Variants in RPRD2 observed in about 807,000 individuals in gnomAD.
The protein encoded by RPRD2 is regulation of nuclear pre-mRNA domain containing 2, also known as regulation of nuclear pre-mRNA domain-containing protein 2.
A neutral mutation model predicts 104.4 loss-of-function variants in RPRD2; 12 were observed. The ratio of observed to expected loss-of-function variants is 0.11; its 90% CI spans 0.07 to 0.19. The LOEUF (loss-of-function observed/expected upper bound fraction) is 0.19. RPRD2 is among the 10% of genes least tolerant of loss of function. RPRD2 has a pLI of 1.00. For missense variants in RPRD2, 1,543 were observed against 1,790.1 expected (o/e 0.86, Z 2.49); for synonymous variants, 714 against 684.9 (o/e 1.04, Z -0.66).
intron 2 of RPRD2, among the ~76,000 whole-genome samples, chr1:150,433,730 T>C (rs1553892481): frequency 9.9e-6 from 1 of 101,324 alleles, no homozygotes; most frequent in African/African-American, 4.4e-5. Context: ...CATAGTTTTT[T>C]TTTTAACCAA....
intron 1 of RPRD2, among the ~76,000 whole-genome samples, chr1:150,413,576 C>G (rs587645467): frequency 2.0e-5 from 3 of 150,684 alleles, no homozygotes; most frequent in Admixed American, 2.0e-4. Flanking sequence ...GCACTCCAGC[C>G]TGGGCAACAA....
In RPRD2 at chr1:150,441,351, G is replaced by A. The variant is rs587602392; in HGVS notation, c.436+328G>A. On this transcript the variant is annotated intron_variant, in intron 3 of 10. Coordinates refer to ENST00000369068, the MANE Select transcript of RPRD2 (RefSeq NM_015203.5). ...TTTGTGTTAATAAATACTGCCCTGT[G>A]CCCTTACTGTTGGAGAATTTTTGCA... The A allele has an allele frequency of 8.9e-5, 21 of 236,046 alleles. No individual in the cohort carries two copies. The Admixed American group carries it at 1.1e-3, about 12-fold the overall frequency. The allele number at this position is 236,046 out of a possible 1,614,324, so 14.6% of individuals were successfully genotyped here. A position where few individuals can be genotyped will look rare whatever the true frequency, so the allele number is the denominator to read the frequency against.
In RPRD2 at chr1:150,471,213, G is replaced by A. The variant is rs1294252690; in HGVS notation, c.2265G>A (p.Lys755=). Residue 755 remains lysine (K), a synonymous_variant, in exon 11 of 11, where the codon AAG becomes AAA. Coordinates refer to ENST00000369068, the MANE Select transcript of RPRD2 (RefSeq NM_015203.5). The surrounding 1 kb of genome is among the most constrained non-coding windows in gnomAD (Gnocchi z 5.3). ...TAGATACTATGTCCCTGCTTTCTAAGATCATTAGCCCTGGTTCCTCAACAC... is the reference window on the plus strand; with the variant it reads ...TAGATACTATGTCCCTGCTTTCTAAAATCATTAGCCCTGGTTCCTCAACAC... ...SSVDTMSLLS[K]IISPGSSTPS... is the part of the protein sequence containing the mutation. The A allele has an allele frequency of 1.9e-6, 3 of 1,613,380 alleles. No homozygotes were observed. The highest frequency in any genetic ancestry group is 2.5e-6 in the Non-Finnish European group (3 of 1,179,802).
intron 1 of RPRD2, among the ~76,000 whole-genome samples, chr1:150,369,823 T>G (rs1188933598): frequency 1.4e-5 from 2 of 142,964 alleles, no homozygotes; most frequent in Non-Finnish European, 3.1e-5. Flanking sequence ...CTCTGTCGCC[T>G]AGGCTGGAGT....
At chr1:150,406,715 ATTCTTTT>A (rs1208134744) in intron 1 of RPRD2, among the ~76,000 whole-genome samples, 4 of 151,848 alleles carry the variant, frequency 2.6e-5, no homozygotes, top group Non-Finnish European at 5.9e-5. Context: ...TTACAAGTAA[ATTCTTTT>A]TTTCTTTTTG....
In RPRD2 at chr1:150,470,709, C is replaced by T. The variant is rs1003305914; in HGVS notation, c.1761C>T (p.Pro587=). The T allele has an allele frequency of 3.1e-6, 5 of 1,614,024 alleles. No individual in the cohort carries two copies. The highest frequency in any genetic ancestry group is 4.2e-6 in the Non-Finnish European group (5 of 1,179,888). ...NLPSSAQPFI[P]KSFNYSPNSS... is the part of the protein sequence containing the mutation. ...CCTCCAGTGCCCAACCTTTTATTCC[C>T]AAAAGCTTCAACTATTCTCCTAACT... The change falls in exon 11 of 11, where the codon CCC becomes CCT. Residue 587 remains proline, a synonymous_variant. Coordinates refer to ENST00000369068, the MANE Select transcript of RPRD2 (RefSeq NM_015203.5).
intron 2 of RPRD2, among the ~76,000 whole-genome samples, chr1:150,418,037 G>A (rs587624726): frequency 2.0e-5 from 3 of 151,424 alleles, no homozygotes; most frequent in South Asian, 4.2e-4. Context: ...GCGCGATCTC[G>A]GCTCGCTGCA....
At chr1:150,365,859 G>A (rs1659805116) in intron 1 of RPRD2, among the ~76,000 whole-genome samples, 1 of 152,172 alleles carries the variant, frequency 6.6e-6, no homozygotes, top group African/African-American at 2.4e-5. Context: ...CCAAAGTGCA[G>A]GGATTACAGA....
chr1:150,383,085 C>T (rs1375957115), intron 1 of RPRD2, among the ~76,000 whole-genome samples: 1 of 152,054 alleles, frequency 6.6e-6, no homozygotes. Context: ...CTTGACATCC[C>T]GGACTCAGTT....
At chr1:150,412,936 G>A in intron 1 of RPRD2, among the ~76,000 whole-genome samples, 1 of 151,906 alleles carries the variant, frequency 6.6e-6, no homozygotes, top group Non-Finnish European at 1.5e-5. Flanking sequence ...TGGGCTGTGG[G>A]TTTTTTGTTT....
At position 150,472,102 on chromosome 1, in the gene RPRD2, A is replaced by G. The variant is rs371280779; in HGVS notation, c.3154A>G (p.Thr1052Ala). 9 of 1,613,722 alleles carry G rather than the reference A, an allele frequency of 5.6e-6. No individual in the cohort carries two copies. The highest frequency in any genetic ancestry group is 1.6e-4 in the Middle Eastern group (1 of 6,084). Residue 1052 changes from threonine (T) to alanine (A), a missense_variant, in exon 11 of 11, where the codon ACT becomes GCT. Around this residue, in one of 4 missense-constraint regions of RPRD2, gnomAD observed 880 missense variants for 885.6 expected, o/e 0.99. Coordinates refer to ENST00000369068, the MANE Select transcript of RPRD2 (RefSeq NM_015203.5). The part of the protein sequence containing the change: ...SNLTQPSLTA[T>A]DQQQQEEHYR... ...CCTCACCCAACCCAGCTTGACCGCC[A>G]CTGATCAGCAGCAACAAGAAGAGCA...
At chr1:150,448,454 C>CCA (rs782676509) in intron 7 of RPRD2, among the ~76,000 whole-genome samples, 3 of 152,106 alleles carry the variant, frequency 2.0e-5, no homozygotes, top group Non-Finnish European at 2.9e-5. Flanking sequence ...TAGGCATCAG[C>CCA]CACCACACCC....
Position 150,472,731 on chromosome 1 carries a change from G to A in RPRD2, c.3783G>A (p.Glu1261=). 1.2e-6 allele frequency: 2 copies of A among 1,613,304 alleles called. No homozygotes were observed. Among genetic ancestry groups the A allele is most frequent in the South Asian group, 1.1e-5 (1 of 91,054 alleles). Residue 1261 remains glutamate (E), a synonymous_variant, in exon 11 of 11, where the codon GAG becomes GAA. Coordinates refer to ENST00000369068, the MANE Select transcript of RPRD2 (RefSeq NM_015203.5). ...AHAAPPPPPG[E]HSGIPFPTPP... is the part of the protein sequence containing the mutation. ...CTGCCCCACCCCCTCCTCCTGGAGA[G>A]CACAGTGGAATTCCTTTCCCTACCC...
intron 1 of RPRD2, among the ~76,000 whole-genome samples, chr1:150,380,124 A>G (rs1661016992): frequency 6.6e-6 from 1 of 152,248 alleles, no homozygotes; most frequent in Admixed American, 6.5e-5. Flanking sequence ...AAAATATACT[A>G]CATTTATAGC....
intron 1 of RPRD2, among the ~76,000 whole-genome samples, chr1:150,395,095 A>C (rs1243868082): frequency 6.6e-6 from 1 of 151,962 alleles, no homozygotes; most frequent in Non-Finnish European, 1.5e-5. Flanking sequence ...ATTTTGGTGC[A>C]CTCATCCCCT....
At chr1:150,470,526 GTTC>G in intron 10 of RPRD2, 32 bp from the exon 11 acceptor site, 1 of 1,589,508 alleles carries the variant, frequency 6.3e-7, no homozygotes, top group Non-Finnish European at 8.6e-7. Context: ...ATAGGGAGTT[GTTC>G]TTTTTAACCC....
intron 9 of RPRD2, among the ~76,000 whole-genome samples, chr1:150,460,728 AT>A (rs781841942): frequency 0.022 from 2,723 of 125,360 alleles, 72 homozygotes; most frequent in African/African-American, 0.066. Flanking sequence ...TTAATTAATG[AT>A]TTTTTTTTTT....
chr1:150,395,244 A>G (rs1553883940), intron 1 of RPRD2, among the ~76,000 whole-genome samples: 1 of 152,158 alleles, frequency 6.6e-6, no homozygotes, highest in Non-Finnish European at 1.5e-5. Context: ...TATGAGTGAG[A>G]ACATATGATG....
Position 150,472,600 on chromosome 1 carries a change from G to C in RPRD2, c.3652G>C (p.Val1218Leu). 1 of 1,613,876 alleles carries C rather than the reference G, an allele frequency of 6.2e-7. No homozygotes were observed. Among genetic ancestry groups the C allele is most frequent in the Non-Finnish European group, 8.5e-7 (1 of 1,179,844 alleles). Reference sequence around the variant, plus strand: ...AGTGGGGCCATCATCTGCCCCACCTGTCCCTCCTAAGGATCATGGTGGTAT... The same window carrying C: ...AGTGGGGCCATCATCTGCCCCACCTCTCCCTCCTAAGGATCATGGTGGTAT... ...EPVGPSSAPP[V>L]PPKDHGGIFS... Residue 1218 changes from valine to leucine, a missense_variant, in exon 11 of 11, where the codon GTC (valine) becomes CTC (leucine). Val to Leu is a conservative substitution (Grantham distance 32). Transcript: ENST00000369068.
Sources: gnomAD v4.1 joint callset for allele counts (sites outside exome capture counted in the v4.1 genomes callset) on GRCh38, gnomAD v4.1.1 for gene constraint, gnomAD v4.1.1 regional missense constraint, Gnocchi (gnomAD v3.1) non-coding constraint, MANE v1.5 for transcripts, NCBI Gene and HGNC (gene_info 2026-07-23, HGNC 2026-07-21) for gene names.